CELSR1: variants seen among roughly 807,000 people sequenced by gnomAD.
CELSR1 encodes cadherin EGF LAG seven-pass G-type receptor 1.
A neutral mutation model predicts 249.1 loss-of-function variants in CELSR1; 110 were observed. That is an observed-to-expected ratio of 0.44 (90% CI 0.38 to 0.52). The LOEUF (loss-of-function observed/expected upper bound fraction) is 0.52, where lower values mean the gene tolerates loss of function less well. Among genes scored for constraint, CELSR1 ranks in the 20% least tolerant of loss-of-function variants. CELSR1 has a pLI of 0.00. For synonymous variants in CELSR1, 2,113 were observed against 1,900.0 expected (o/e 1.11, Z -2.92); for missense variants, 4,109 against 4,296.4 (o/e 0.96, Z 1.22).
intron 1 of CELSR1, among the ~76,000 whole-genome samples, chr22:46,485,638 C>T (rs2080305629): frequency 6.6e-6 from 1 of 152,206 alleles, no homozygotes; most frequent in South Asian, 2.1e-4. Context: ...ATCTCCAAGA[C>T]AGGCGGCCAG....
chr22:46,415,487 G>A (rs1011637683), intron 5 of CELSR1, among the ~76,000 whole-genome samples: 3 of 152,114 alleles, frequency 2.0e-5, no homozygotes, highest in Admixed American at 2.0e-4. Context: ...TTTTTAAAAA[G>A]TTACTATTGG....
intron 2 of CELSR1, among the ~76,000 whole-genome samples, chr22:46,461,564 A>T (rs547183902): frequency 1.3e-3 from 196 of 152,256 alleles, no homozygotes; most frequent in African/African-American, 4.4e-3. Context: ...AGGGCTCCTG[A>T]CTCATCTGAC....
intron 23 of CELSR1, among the ~76,000 whole-genome samples, chr22:46,377,792 C>T (rs1418930746): frequency 1.3e-5 from 2 of 152,256 alleles, no homozygotes; most frequent in Non-Finnish European, 2.9e-5. Context: ...GAGGCCGCTG[C>T]CCTCCTCCAG....
chr22:46,510,828 C>G (rs574487638), intron 1 of CELSR1, among the ~76,000 whole-genome samples: 1 of 152,182 alleles, frequency 6.6e-6, no homozygotes, highest in South Asian at 2.1e-4. Flanking sequence ...ACACAAAGTG[C>G]TGGCCGGGTG....
At chr22:46,450,546 G>A (rs1315184492) in intron 2 of CELSR1, among the ~76,000 whole-genome samples, 2 of 152,240 alleles carry the variant, frequency 1.3e-5, no homozygotes, top group Non-Finnish European at 2.9e-5. Flanking sequence ...TTCAGAGAGG[G>A]CAGTTACTTG....
chr22:46,366,378 G>T lies in CELSR1; in HGVS notation c.8300+8C>A. On this transcript the variant is annotated splice_region_variant and intron_variant, in intron 30 of 34. Transcript: ENST00000674500. Reference sequence around the variant, plus strand: ...GCCACCTCCCCGAACCCGGAGCTGCGGCCTGACCTGACGATGCTGTCCAGC... The same window carrying T: ...GCCACCTCCCCGAACCCGGAGCTGCTGCCTGACCTGACGATGCTGTCCAGC... 6 of 1,545,992 alleles carry T rather than the reference G, an allele frequency of 3.9e-6. No homozygotes were observed. Among genetic ancestry groups the T allele is most frequent in the Non-Finnish European group, 5.2e-6 (6 of 1,144,166 alleles).
intron 17 of CELSR1, 137 bp from the exon 18 acceptor site, chr22:46,389,636 C>A: frequency 1.0e-6 from 1 of 981,514 alleles, no homozygotes; most frequent in South Asian, 1.4e-5. Context: ...AAAAGCCTGG[C>A]TGGGCATGGT....
rs144803708 is a variant in CELSR1, at chr22:46,450,723, C to T, written c.4184-11312G>A. Among the ~76,000 whole-genome samples the T allele has an allele frequency of 4.7e-3, 715 of 152,272 alleles. 6 individuals carry two copies. Among genetic ancestry groups the T allele is most frequent in the African/African-American group, 0.016 (675 of 41,544 alleles). ...CCTATAGGAGAGGCCGACCAGGAGG[C>T]GAGATTGCAGGGGCCTCAGCACCCC... On this transcript the variant is annotated intron_variant, in intron 2 of 34. Transcript: ENST00000674500.
intron 1 of CELSR1, among the ~76,000 whole-genome samples, chr22:46,502,639 G>T (rs1602219045): frequency 6.6e-6 from 1 of 152,120 alleles, no homozygotes; most frequent in Admixed American, 6.6e-5. Context: ...TTTGCTTTGT[G>T]CTTTACAAAT....
At chr22:46,456,650 G>A (rs12166446) in intron 2 of CELSR1, among the ~76,000 whole-genome samples, 4,852 of 119,766 alleles carry the variant, frequency 0.041, 313 homozygotes, top group African/African-American at 0.15. Context: ...GCGACAGAGC[G>A]AGACTCTGTC....
At chr22:46,387,556 A>G (rs2079045729) in intron 18 of CELSR1, among the ~76,000 whole-genome samples, 1 of 151,870 alleles carries the variant, frequency 6.6e-6, no homozygotes, top group Non-Finnish European at 1.5e-5. Context: ...ACAGGGTTTC[A>G]CCATGTTGCC....
In CELSR1 at chr22:46,390,624, G is replaced by A. The variant is rs1235775226; in HGVS notation, c.6251-138C>T. The A allele has an allele frequency of 2.8e-5, 18 of 648,934 alleles. No individual in the cohort carries two copies. Among genetic ancestry groups the A allele is most frequent in the Admixed American group, 5.5e-5 (2 of 36,112 alleles). The allele number at this position is 648,934 out of a possible 1,614,324, so 40.2% of individuals were successfully genotyped here. A position where few individuals can be genotyped will look rare whatever the true frequency, so the allele number is the denominator to read the frequency against. ...AGAACCCCATGGGGGCCAGGAGGTC[G>A]ACACCAGCGCCCCTCTTTCATGTCA... On this transcript the variant is annotated intron_variant, in intron 16 of 34. Transcript: ENST00000674500. This position sits in a 1 kb window ranked among gnomAD's most constrained non-coding sequence, Gnocchi z 6.3.
chr22:46,431,452 G>A (rs547278585), intron 5 of CELSR1, among the ~76,000 whole-genome samples: 3 of 152,190 alleles, frequency 2.0e-5, no homozygotes, highest in East Asian at 1.9e-4. Flanking sequence ...AGCAACAAAC[G>A]TTCATCTCTG....
chr22:46,533,892 G>A lies in CELSR1; in HGVS notation c.3279C>T (p.Asp1093=). 1 of 1,613,448 alleles carries A rather than the reference G, an allele frequency of 6.2e-7. No individual in the cohort carries two copies. Among genetic ancestry groups the A allele is most frequent in the African/African-American group, 1.3e-5 (1 of 75,054 alleles). The change falls in exon 1 of 35, where the codon GAC becomes GAT. Residue 1093 remains aspartate (D), a synonymous_variant. Coordinates refer to ENST00000674500, the MANE Select transcript of CELSR1 (RefSeq NM_001378328.1). ...SRATVHILLV[D]QNDNPPVLPD... ...GCAGCACAGGCGGGTTGTCATTCTG[G>A]TCCACGAGAAGGATGTGCACCGTGG...
chr22:46,528,574 C>T (rs13057584), intron 1 of CELSR1, among the ~76,000 whole-genome samples: 9,452 of 152,256 alleles, frequency 0.062, 313 homozygotes, highest in South Asian at 0.098. Context: ...CGTGGCCCGG[C>T]CACAGATGAC....
intron 1 of CELSR1, among the ~76,000 whole-genome samples, chr22:46,528,633 A>G (rs2080761781): frequency 6.6e-6 from 1 of 152,242 alleles, no homozygotes; most frequent in Non-Finnish European, 1.5e-5. Flanking sequence ...CTATTCCACT[A>G]TAAAAAAGAA....
Position 46,395,747 on chromosome 22 carries a change from AG to A in CELSR1, c.5843+857del, listed in dbSNP as rs2079140769. On this transcript the variant is annotated intron_variant, in intron 13 of 34. Coordinates refer to ENST00000674500, the MANE Select transcript of CELSR1 (RefSeq NM_001378328.1). This position sits in a 1 kb window ranked among gnomAD's most constrained non-coding sequence, Gnocchi z 5.5. ...CCAGCAGCTGAGGACAATGAGCCAC[AG>A]GGGCATCACCTCCACGGCGGCCTGG... 6.6e-6 allele frequency among the ~76,000 whole-genome samples: 1 copy of A among 152,258 alleles called. No homozygotes were observed. The highest frequency in any genetic ancestry group is 6.5e-5 in the Admixed American group (1 of 15,290).
In CELSR1 at chr22:46,409,861, G is replaced by C; in HGVS notation, c.4953C>G (p.Asn1651Lys). ...GTREGCAARR[N>K]FCDGRRCQNG... is the part of the protein sequence containing the mutation. Reference sequence around the variant, plus strand: ...TCTGACACCGCCTCCCATCGCAGAAGTTCCTCCGAGCAGCGCAGCCTGGCA... The same window carrying C: ...TCTGACACCGCCTCCCATCGCAGAACTTCCTCCGAGCAGCGCAGCCTGGCA... Residue 1651 changes from asparagine (N) to lysine (K), a missense_variant, in exon 8 of 35, where the codon AAC becomes AAG. Asn to Lys is a moderately conservative substitution (Grantham distance 94, BLOSUM62 0). Transcript: ENST00000674500. The surrounding 1 kb of genome is among the most constrained non-coding windows in gnomAD (Gnocchi z 9.8). 2 of 1,613,540 alleles carry C rather than the reference G, an allele frequency of 1.2e-6. No homozygotes were observed.
intron 1 of CELSR1, among the ~76,000 whole-genome samples, chr22:46,479,456 T>C (rs2080244259): frequency 1.3e-5 from 2 of 152,002 alleles, no homozygotes; most frequent in South Asian, 4.2e-4. Flanking sequence ...GCCTCGTCTT[T>C]GGGAAAAAGC....
Sources: gnomAD v4.1 joint callset for allele counts (sites outside exome capture counted in the v4.1 genomes callset) on GRCh38, gnomAD v4.1.1 for gene constraint, Gnocchi (gnomAD v3.1) non-coding constraint, MANE v1.5 for transcripts, NCBI Gene and HGNC (gene_info 2026-07-23, HGNC 2026-07-21) for gene names.